The following GRIK2 variants were observed in gnomAD, a reference collection of about 807,000 sequenced individuals.
GRIK2 encodes glutamate ionotropic receptor kainate type subunit 2, also known as glutamate receptor ionotropic, kainate 2.
A neutral mutation model predicts 100.3 loss-of-function variants in GRIK2; 32 were observed. The ratio of observed to expected loss-of-function variants is 0.32; its 90% confidence interval spans 0.24 to 0.43. GRIK2 has a LOEUF of 0.43. GRIK2 is among the 20% of genes least tolerant of loss of function. The probability of loss-of-function intolerance (pLI) is 1.00; values close to 1 mark genes in which losing one functional copy is unlikely to be tolerated. For synonymous variants in GRIK2, 417 were observed against 389.4 expected (o/e 1.07, Z -0.83); for missense variants, 843 against 1,114.9 (o/e 0.76, Z 3.47).
chr6:101,617,944 GTA>G (rs1254370527), intron 2 of GRIK2, among the ~76,000 whole-genome samples: 2 of 150,882 alleles, frequency 1.3e-5, no homozygotes, highest in African/African-American at 2.5e-5. Context: ...ATATGTGTGT[GTA>G]TATATATGTG....
At chr6:101,755,262 G>C (rs1423281519) in intron 7 of GRIK2, among the ~76,000 whole-genome samples, 1 of 147,986 alleles carries the variant, frequency 6.8e-6, no homozygotes, top group African/African-American at 2.5e-5. Context: ...CGCTTCCCGG[G>C]TTCACGCCAT....
Position 101,687,845 on chromosome 6 carries a change from A to G in GRIK2, c.951+1492A>G, listed in dbSNP as rs143398373. 2.5e-3 allele frequency among the ~76,000 whole-genome samples: 383 copies of G among 151,726 alleles called. 6 individuals are homozygous for G. The highest frequency in any genetic ancestry group is 8.9e-3 in the African/African-American group (371 of 41,536). On this transcript the variant is annotated intron_variant, in intron 7 of 16. Transcript: ENST00000369134. The stretch of plus-strand genomic sequence containing the variant: ...TTTGAGAATTTTTATTGAGAGGAAA[A>G]TACCTAAATAACTTAAAAATTAAAA...
chr6:101,673,955 G>A (rs949948327), intron 4 of GRIK2, among the ~76,000 whole-genome samples: 1 of 152,106 alleles, frequency 6.6e-6, no homozygotes, highest in Non-Finnish European at 1.5e-5. Context: ...TGGACTTACA[G>A]TAAGAAGATT....
chr6:101,797,231 T>A (rs1780363450), intron 7 of GRIK2, among the ~76,000 whole-genome samples: 1 of 152,004 alleles, frequency 6.6e-6, no homozygotes, highest in Non-Finnish European at 1.5e-5. Flanking sequence ...TACGTGTTAA[T>A]CTTAAAAACT....
intron 2 of GRIK2, among the ~76,000 whole-genome samples, chr6:101,495,660 G>A (rs1177842181): frequency 1.3e-5 from 2 of 152,056 alleles, no homozygotes; most frequent in Admixed American, 6.6e-5. Context: ...ATCTTAATGT[G>A]GAATTACTGA....
intron 7 of GRIK2, among the ~76,000 whole-genome samples, chr6:101,749,803 CTTTTT>C (rs989554915): frequency 5.4e-5 from 5 of 92,550 alleles, no homozygotes; most frequent in African/African-American, 2.2e-4. Context: ...GTGCCAGTTT[CTTTTT>C]TTTTTTTTTT....
intron 2 of GRIK2, among the ~76,000 whole-genome samples, chr6:101,535,492 G>C (rs1409887493): frequency 2.6e-5 from 4 of 151,710 alleles, no homozygotes; most frequent in African/African-American, 9.7e-5. Flanking sequence ...GGTTGGCTTT[G>C]TTTGGGAAAT....
At chr6:101,679,728 T>G (rs1303054177) in intron 5 of GRIK2, among the ~76,000 whole-genome samples, 1 of 152,156 alleles carries the variant, frequency 6.6e-6, no homozygotes, top group East Asian at 1.9e-4. Flanking sequence ...TAACTACTAT[T>G]TCTACCTCCA....
intron 2 of GRIK2, among the ~76,000 whole-genome samples, chr6:101,475,594 G>A (rs1352002537): frequency 2.0e-5 from 3 of 151,848 alleles, no homozygotes; most frequent in East Asian, 3.9e-4. Context: ...TTTTGTTTCT[G>A]TATCTGCTAG....
intron 4 of GRIK2, among the ~76,000 whole-genome samples, chr6:101,656,302 C>CAA (rs111721256): frequency 2.6e-4 from 22 of 84,004 alleles, no homozygotes; most frequent in Admixed American, 1.2e-3. Flanking sequence ...AGACTCCATC[C>CAA]AAAAAAAAAA....
chr6:101,890,924 T>C (rs1216175975), intron 12 of GRIK2, among the ~76,000 whole-genome samples: 1 of 150,838 alleles, frequency 6.6e-6, no homozygotes, highest in Non-Finnish European at 1.5e-5. Context: ...TAAAAATCAA[T>C]TAGAATTCTA....
chr6:101,760,612 ATT>A (rs1491364996), intron 7 of GRIK2, among the ~76,000 whole-genome samples: 1 of 98,890 alleles, frequency 1.0e-5, no homozygotes, highest in Non-Finnish European at 1.9e-5. Context: ...ATATAATTAT[ATT>A]TAATTATATG....
At chr6:101,792,952 T>G (rs902614191) in intron 7 of GRIK2, among the ~76,000 whole-genome samples, 1 of 152,188 alleles carries the variant, frequency 6.6e-6, no homozygotes, top group Non-Finnish European at 1.5e-5. Flanking sequence ...CTTCATTTCA[T>G]TCATTTCATC....
intron 2 of GRIK2, among the ~76,000 whole-genome samples, chr6:101,558,118 G>A (rs1415958003): frequency 7.9e-5 from 12 of 152,102 alleles, no homozygotes; most frequent in Admixed American, 5.2e-4. Context: ...TTTTCTAAAG[G>A]TCATTTCTTC....
At chr6:102,005,080 T>C (rs920727698) in intron 14 of GRIK2, among the ~76,000 whole-genome samples, 1 of 151,530 alleles carries the variant, frequency 6.6e-6, no homozygotes, top group Admixed American at 6.6e-5. Flanking sequence ...CCTGAATTTT[T>C]AATCTTTTGG....
intron 7 of GRIK2, among the ~76,000 whole-genome samples, chr6:101,715,830 AC>A (rs1774025555): frequency 6.6e-6 from 1 of 151,766 alleles, no homozygotes; most frequent in South Asian, 2.1e-4. Flanking sequence ...TAGTTTATAA[AC>A]CTGCTTCGTA....
intron 2 of GRIK2, among the ~76,000 whole-genome samples, chr6:101,467,534 T>C (rs761008537): frequency 7.2e-5 from 11 of 152,334 alleles, no homozygotes; most frequent in Middle Eastern, 3.4e-3. Flanking sequence ...TAAGGTAAGC[T>C]AAAGTCTTTC....
At chr6:101,980,173 A>G (rs924591458) in intron 14 of GRIK2, among the ~76,000 whole-genome samples, 3 of 151,962 alleles carry the variant, frequency 2.0e-5, no homozygotes, top group Non-Finnish European at 4.4e-5. Flanking sequence ...GTTATATCCC[A>G]TACCCTCCCA....
intron 2 of GRIK2, among the ~76,000 whole-genome samples, chr6:101,400,051 C>T (rs562504863): frequency 6.6e-6 from 1 of 152,238 alleles, no homozygotes; most frequent in East Asian, 1.9e-4. Flanking sequence ...AAAATTAGAA[C>T]GGCATTTTGT....
Sources: gnomAD v4.1 joint callset for allele counts (sites outside exome capture counted in the v4.1 genomes callset) on GRCh38, gnomAD v4.1.1 for gene constraint, MANE v1.5 for transcripts, NCBI Gene and HGNC (gene_info 2026-07-23, HGNC 2026-07-21) for gene names.